GAB1: variants seen among roughly 807,000 people sequenced by gnomAD.
GAB1 encodes the protein GRB2 associated binding protein 1.
In GAB1, 19 loss-of-function variants were observed where a neutral mutation model predicts 66.5. The observed-to-expected ratio is 0.29, with a 90% CI of 0.20 to 0.42. GAB1 has a LOEUF of 0.42. Among genes scored for constraint, GAB1 ranks in the 10% least tolerant of loss-of-function variants. The pLI, the probability that GAB1 is intolerant of heterozygous loss-of-function variation, is 1.00. For missense variants in GAB1, 732 were observed against 858.5 expected (o/e 0.85, Z 1.84); for synonymous variants, 294 against 301.4 (o/e 0.98, Z 0.25).
At chr4:143,385,841 G>T (rs1398817831) in intron 1 of GAB1, among the ~76,000 whole-genome samples, 5 of 152,180 alleles carry the variant, frequency 3.3e-5, no homozygotes, top group Non-Finnish European at 7.4e-5. Context: ...AGTATAGTTT[G>T]TAAATAAAAG....
At position 143,339,928 on chromosome 4, in the gene GAB1, C is replaced by T. The variant is rs561538737; in HGVS notation, c.72+2668C>T. On this transcript the variant is annotated intron_variant, in intron 1 of 9. Coordinates refer to ENST00000262994, the MANE Select transcript of GAB1 (RefSeq NM_002039.4). ...GTAGCACTGGTGTTTTCTTTACCCA[C>T]GAATAAAGTAGATGGAGATAGTCCT... Among the ~76,000 whole-genome samples, 152 of 152,136 alleles carry T rather than the reference C, an allele frequency of 1.0e-3. 1 individual carries two copies. The South Asian group carries it at 0.031, about 31-fold the overall frequency.
intron 1 of GAB1, among the ~76,000 whole-genome samples, chr4:143,372,867 CTT>C (rs1294197886): frequency 4.6e-5 from 7 of 152,194 alleles, no homozygotes; most frequent in African/African-American, 1.4e-4. Flanking sequence ...TGTCTATACT[CTT>C]TAACTGTCCT....
At chr4:143,457,599 T>C in intron 6 of GAB1, 1 of 479,054 alleles carries the variant, frequency 2.1e-6, no homozygotes, top group South Asian at 3.9e-5. Context: ...CTGTTGCTTT[T>C]TTTTTTTTTT....
intron 1 of GAB1, among the ~76,000 whole-genome samples, chr4:143,390,533 A>T (rs1169429048): frequency 6.6e-6 from 1 of 151,882 alleles, no homozygotes; most frequent in Non-Finnish European, 1.5e-5. Flanking sequence ...CAACCCTCCA[A>T]ATCTTTGTTT....
chr4:143,425,419 C>A lies in GAB1; in HGVS notation c.368-8072C>A. The A allele has an allele frequency of 5.3e-6, 4 of 759,198 alleles. No individual in the cohort carries two copies. The Middle Eastern group carries it at 1.3e-3, about 251-fold the overall frequency. 47.0% of individuals were successfully genotyped at this position (759,198 alleles called of 1,614,324 possible). On this transcript the variant is annotated intron_variant, in intron 2 of 9. Coordinates refer to ENST00000262994, the MANE Select transcript of GAB1 (RefSeq NM_002039.4). The stretch of plus-strand genomic sequence containing the variant: ...AGCCATGGCTTCTTGTGGTTACTGA[C>A]CCCAGGGCTGAAGACCAGCCTCTCA...
chr4:143,389,184 G>A (rs1300876274), intron 1 of GAB1, among the ~76,000 whole-genome samples: 1 of 152,220 alleles, frequency 6.6e-6, no homozygotes, highest in Non-Finnish European at 1.5e-5. Flanking sequence ...GAATGATTTA[G>A]CTTATGGAGT....
Position 143,426,014 on chromosome 4 carries a change from G to GA in GAB1, c.368-7471dup, listed in dbSNP as rs1252250782. 1.6e-5 allele frequency: 10 copies of GA among 621,378 alleles called. No individual in the cohort carries two copies. In the East Asian group the frequency reaches 1.9e-4, roughly 12 times the overall value. The allele number at this position is 621,378 out of a possible 1,614,324, so 38.5% of individuals were successfully genotyped here. A position where few individuals can be genotyped will look rare whatever the true frequency, so the allele number is the denominator to read the frequency against. On this transcript the variant is annotated intron_variant, in intron 2 of 9. Transcript: ENST00000262994. ...AAAAATTTTAAAAATTACAAAAAAA[G>GA]AAAAAATTAACTCCAGGTATAAGGT...
intron 1 of GAB1, among the ~76,000 whole-genome samples, chr4:143,381,211 A>G (rs149850596): frequency 6.6e-6 from 1 of 152,298 alleles, no homozygotes; most frequent in African/African-American, 2.4e-5. Context: ...TTCATCTGTA[A>G]TATAGGAATA....
At chr4:143,442,227 G>A (rs1384793544) in intron 6 of GAB1, among the ~76,000 whole-genome samples, 3 of 152,134 alleles carry the variant, frequency 2.0e-5, no homozygotes, top group Non-Finnish European at 4.4e-5. Context: ...TGTTAAACTG[G>A]TGCTTTCCTT....
chr4:143,423,493 C>T (rs907108855), intron 2 of GAB1, among the ~76,000 whole-genome samples: 2 of 151,758 alleles, frequency 1.3e-5, no homozygotes, highest in Admixed American at 6.6e-5. Context: ...GTCAGGAGAT[C>T]GAGACCATCC....
At chr4:143,462,780 G>T in intron 8 of GAB1, among the ~76,000 whole-genome samples, 1 of 151,954 alleles carries the variant, frequency 6.6e-6, no homozygotes. Flanking sequence ...TCCTGACTCA[G>T]CCTCTCGAGT....
At chr4:143,449,866 A>G (rs1157148676) in intron 6 of GAB1, among the ~76,000 whole-genome samples, 1 of 151,176 alleles carries the variant, frequency 6.6e-6, no homozygotes, top group African/African-American at 2.4e-5. Flanking sequence ...TCATTAGTTG[A>G]TGCAGTTTCT....
chr4:143,441,374 G>A (rs1345179190), intron 6 of GAB1, among the ~76,000 whole-genome samples: 1 of 152,182 alleles, frequency 6.6e-6, no homozygotes, highest in Admixed American at 6.5e-5. Flanking sequence ...AGTCTCATGT[G>A]CTATATGTAG....
At chr4:143,388,238 GAATCTGAGGCCAAGTCCA>G (rs1731009255) in intron 1 of GAB1, among the ~76,000 whole-genome samples, 1 of 151,962 alleles carries the variant, frequency 6.6e-6, no homozygotes, top group Non-Finnish European at 1.5e-5. Flanking sequence ...TGCAGAGAAA[GAATCTGAGGCCAAGTCCA>G]GATCTGACTG....
intron 1 of GAB1, among the ~76,000 whole-genome samples, chr4:143,414,813 CAT>C (rs1307254693): frequency 2.0e-5 from 3 of 152,240 alleles, no homozygotes; most frequent in African/African-American, 7.2e-5. Flanking sequence ...ATATACATAA[CAT>C]AAAATTTATC....
At chr4:143,459,905 T>C (rs1294892253) in intron 7 of GAB1, among the ~76,000 whole-genome samples, 1 of 152,206 alleles carries the variant, frequency 6.6e-6, no homozygotes, top group Non-Finnish European at 1.5e-5. Flanking sequence ...GGACTACTAA[T>C]CTTGAAAATA....
intron 1 of GAB1, among the ~76,000 whole-genome samples, chr4:143,391,059 A>G (rs1162502365): frequency 6.6e-6 from 1 of 152,204 alleles, no homozygotes; most frequent in Non-Finnish European, 1.5e-5. Context: ...TACCTGGATG[A>G]CCATGTGCTC....
intron 1 of GAB1, among the ~76,000 whole-genome samples, chr4:143,400,968 CAAA>C (rs774015122): frequency 7.7e-5 from 7 of 91,238 alleles, no homozygotes; most frequent in Non-Finnish European, 9.3e-5. Flanking sequence ...GACTCCATCA[CAAA>C]AAAAAAAAAA....
rs192341721 is a variant in GAB1, at chr4:143,425,541, A to G, written c.368-7950A>G. ...GGACATTGCCATCCCATGCAACAAC[A>G]AGGGAGCTCACTCCGTGGGTTTGAT... On this transcript the variant is annotated intron_variant, in intron 2 of 9. Transcript: ENST00000262994. 2.5e-3 allele frequency: 1,943 copies of G among 762,806 alleles called. 31 individuals carry two copies. The highest frequency in any genetic ancestry group is 9.1e-4 in the Non-Finnish European group (378 of 416,214). The allele number at this position is 762,806 out of a possible 1,614,324, so 47.3% of individuals were successfully genotyped here. A position where few individuals can be genotyped will look rare whatever the true frequency, so the allele number is the denominator to read the frequency against.
Sources: gnomAD v4.1 joint callset for allele counts (sites outside exome capture counted in the v4.1 genomes callset) on GRCh38, gnomAD v4.1.1 for gene constraint, MANE v1.5 for transcripts, NCBI Gene and HGNC (gene_info 2026-07-23, HGNC 2026-07-21) for gene names.